ADAMTS18: variants seen among roughly 807,000 people sequenced by gnomAD.
ADAMTS18 encodes the protein A disintegrin and metalloproteinase with thrombospondin motifs 18.
ADAMTS18 carries 157 observed loss-of-function variants against 165.9 expected under a neutral mutation model. That is an observed-to-expected ratio of 0.95 (90% CI 0.83 to 1.08). ADAMTS18 has a LOEUF of 1.08. ADAMTS18 is among the 50% of genes least tolerant of loss of function. The probability of loss-of-function intolerance (pLI) is 0.00; values close to 1 mark genes in which losing one functional copy is unlikely to be tolerated. For synonymous variants in ADAMTS18, 782 were observed against 578.2 expected (o/e 1.35, Z -5.06); for missense variants, 2,040 against 1,534.0 (o/e 1.33, Z -5.51).
chr16:77,338,881 G>A (rs1268521608), intron 11 of ADAMTS18, among the ~76,000 whole-genome samples: 1 of 151,310 alleles, frequency 6.6e-6, no homozygotes, highest in African/African-American at 2.4e-5. Context: ...GTGAACCCGG[G>A]AGATGGAGCC....
chr16:77,316,259 A>ATT lies in ADAMTS18; in HGVS notation c.2532+3588_2532+3589dup, dbSNP rs34042252. The stretch of plus-strand genomic sequence containing the variant: ...CTTATTTACATAGCAGCCTGGTTGA[A>ATT]TTTTTTTTTTTTTTGAGACAGAGTC... On this transcript the variant is annotated intron_variant, in intron 16 of 22. Coordinates refer to ENST00000282849, the MANE Select transcript of ADAMTS18 (RefSeq NM_199355.4). 2.3e-3 allele frequency among the ~76,000 whole-genome samples: 333 copies of ATT among 147,404 alleles called. 2 individuals carry two copies. Among genetic ancestry groups the ATT allele is most frequent in the African/African-American group, 5.4e-3 (217 of 40,164 alleles).
At chr16:77,397,583 T>A (rs188399182) in intron 3 of ADAMTS18, among the ~76,000 whole-genome samples, 111 of 152,332 alleles carry the variant, frequency 7.3e-4, no homozygotes, top group African/African-American at 2.6e-3. Context: ...TTCCAAGAAC[T>A]GAGTAAAACT....
In ADAMTS18 at chr16:77,386,434, A is replaced by C. The variant is rs557415854; in HGVS notation, c.496-18711T>G. Among the ~76,000 whole-genome samples the C allele has an allele frequency of 2.6e-5, 4 of 152,300 alleles. No homozygotes were observed. The East Asian group carries it at 7.7e-4, about 29-fold the overall frequency. On this transcript the variant is annotated intron_variant, in intron 3 of 22. Transcript: ENST00000282849. ...CCTCTCTGTGCTAACTTTTCCCTAGAGGAATTTGAGCCCAATATTGTCATT... is the reference window on the plus strand; with the variant it reads ...CCTCTCTGTGCTAACTTTTCCCTAGCGGAATTTGAGCCCAATATTGTCATT...
chr16:77,284,646 A>G (rs2055213553), intron 22 of ADAMTS18, among the ~76,000 whole-genome samples: 1 of 152,144 alleles, frequency 6.6e-6, no homozygotes, highest in Non-Finnish European at 1.5e-5. Context: ...TTTGTTTTTA[A>G]AAAATGTCAC....
intron 12 of ADAMTS18, among the ~76,000 whole-genome samples, chr16:77,333,718 T>A (rs1316128685): frequency 2.6e-5 from 4 of 151,004 alleles, no homozygotes; most frequent in African/African-American, 4.9e-5. Flanking sequence ...GATGAATAAG[T>A]AAAGAAAATA....
Position 77,352,548 on chromosome 16 carries a change from A to T in ADAMTS18, c.1614+1185T>A, listed in dbSNP as rs565318427. Among the ~76,000 whole-genome samples, 59 of 152,272 alleles carry T rather than the reference A, an allele frequency of 3.9e-4. 1 individual carries two copies. Among genetic ancestry groups the T allele is most frequent in the African/African-American group, 1.4e-3 (57 of 41,542 alleles). ...TTTTGTGAAGATTGAGGTAAAGTAA[A>T]ATAAATCTTTAAGTAGAATGCCTTA... On this transcript the variant is annotated intron_variant, in intron 10 of 22. Transcript: ENST00000282849.
intron 3 of ADAMTS18, among the ~76,000 whole-genome samples, chr16:77,387,779 G>A (rs1214097836): frequency 6.6e-6 from 1 of 152,174 alleles, no homozygotes; most frequent in Non-Finnish European, 1.5e-5. Flanking sequence ...GGCAGCCAAT[G>A]TCTTACATTT....
Position 77,322,091 on chromosome 16 carries a change from G to A in ADAMTS18, c.2163+245C>T, listed in dbSNP as rs150299599. Among the ~76,000 whole-genome samples the A allele has an allele frequency of 7.4e-3, 1,057 of 143,416 alleles. 15 individuals are homozygous for A. Among genetic ancestry groups the A allele is most frequent in the African/African-American group, 0.026 (1,014 of 38,568 alleles). 94.1% of individuals were successfully genotyped at this position (143,416 alleles called of 152,430 possible). ...AATCACTTGAACCCAGGAGGCAGAG[G>A]TTACAGTGAGCTAAGATCGCACCAT... On this transcript the variant is annotated intron_variant, in intron 14 of 22. Transcript: ENST00000282849.
At chr16:77,361,626 G>A (rs991388147) in intron 7 of ADAMTS18, among the ~76,000 whole-genome samples, 4 of 152,208 alleles carry the variant, frequency 2.6e-5, no homozygotes, top group Non-Finnish European at 4.4e-5. Context: ...GCTCATGCCT[G>A]TAGTCCCAGG....
intron 8 of ADAMTS18, 139 bp from the exon 9 acceptor site, chr16:77,356,216 G>A (rs2056628154): frequency 4.5e-6 from 5 of 1,099,220 alleles, no homozygotes; most frequent in South Asian, 2.7e-5. Context: ...AAAGAGAAAG[G>A]CAAATTACTA....
chr16:77,283,898 C>G lies in ADAMTS18; in HGVS notation c.*58G>C. The G allele has an allele frequency of 7.4e-7, 1 of 1,347,236 alleles. No individual in the cohort carries two copies. The highest frequency in any genetic ancestry group is 1.2e-5 in the South Asian group (1 of 85,456). 83.5% of individuals were successfully genotyped at this position (1,347,236 alleles called of 1,614,324 possible). A position where few individuals can be genotyped will look rare whatever the true frequency, so the allele number is the denominator to read the frequency against. On this transcript the variant is annotated 3_prime_UTR_variant, in exon 23 of 23. Transcript: ENST00000282849. ...GCTCCTGGTCTCAAAGGCAGCTGGT[C>G]TCTCTAGAGGTTGAAAGGTAAGCCC...
chr16:77,386,879 T>G (rs1016141013), intron 3 of ADAMTS18, among the ~76,000 whole-genome samples: 14 of 152,120 alleles, frequency 9.2e-5, no homozygotes, highest in Non-Finnish European at 1.8e-4. Flanking sequence ...TTATTTAACT[T>G]TGTGAAATCT....
intron 2 of ADAMTS18, 151 bp downstream of exon 2, chr16:77,434,267 C>A: frequency 2.2e-6 from 2 of 924,206 alleles, no homozygotes; most frequent in East Asian, 2.7e-5. Flanking sequence ...TCCTTGCCAA[C>A]CTTCCCCCCT....
intron 3 of ADAMTS18, among the ~76,000 whole-genome samples, chr16:77,405,258 A>G (rs1346158469): frequency 1.3e-5 from 2 of 152,174 alleles, no homozygotes; most frequent in African/African-American, 2.4e-5. Context: ...AAATTTTTCA[A>G]TCCTGAATGA....
At chr16:77,348,627 A>G (rs769399156) in intron 10 of ADAMTS18, among the ~76,000 whole-genome samples, 3 of 152,212 alleles carry the variant, frequency 2.0e-5, no homozygotes, top group Non-Finnish European at 4.4e-5. Context: ...TGGGAGTGCT[A>G]AAACATGTGA....
intron 9 of ADAMTS18, among the ~76,000 whole-genome samples, chr16:77,354,826 G>A (rs1006774199): frequency 6.6e-6 from 1 of 152,142 alleles, no homozygotes; most frequent in Non-Finnish European, 1.5e-5. Flanking sequence ...CGGAAATTCA[G>A]CCTATGTTAA....
intron 3 of ADAMTS18, among the ~76,000 whole-genome samples, chr16:77,371,352 C>T (rs891296067): frequency 3.3e-5 from 5 of 152,118 alleles, no homozygotes; most frequent in African/African-American, 1.2e-4. Context: ...AGGAACACAG[C>T]TGGAAACATC....
chr16:77,426,850 T>C (rs548331383), intron 3 of ADAMTS18, among the ~76,000 whole-genome samples: 1 of 152,186 alleles, frequency 6.6e-6, no homozygotes, highest in South Asian at 2.1e-4. Context: ...TGGCAAAACC[T>C]CGCCTCTACA....
At chr16:77,296,751 C>G (rs1376404478) in intron 18 of ADAMTS18, among the ~76,000 whole-genome samples, 3 of 152,028 alleles carry the variant, frequency 2.0e-5, no homozygotes, top group Non-Finnish European at 4.4e-5. Flanking sequence ...ATCCAGTAGG[C>G]AGAGGTGGCA....
Sources: allele counts gnomAD v4.1 joint callset (sites outside exome capture counted in the v4.1 genomes callset), GRCh38; gene constraint gnomAD v4.1.1; transcripts MANE v1.5; gene names NCBI Gene and HGNC (gene_info 2026-07-23, HGNC 2026-07-21).